The following FHIT variants were observed in gnomAD, a reference collection of about 807,000 sequenced individuals.
FHIT encodes bis(5'-adenosyl)-triphosphatase.
Under a neutral mutation model 17.9 loss-of-function variants are expected in FHIT, and 19 were observed. The observed-to-expected ratio is 1.06, with a 90% CI of 0.74 to 1.56. The LOEUF is 1.56. Ranked by LOEUF, FHIT falls within the 40% of genes most tolerant of loss-of-function variation. FHIT has a pLI of 0.00. For synonymous variants in FHIT, 81 were observed against 69.7 expected (o/e 1.16, Z -0.81); for missense variants, 248 against 189.2 (o/e 1.31, Z -1.82).
At position 60,281,034 on chromosome 3, in the gene FHIT, A is replaced by ATTTTTCTTT. The variant is rs1316411161; in HGVS notation, c.103+255825_103+255826insAAAGAAAAA. Among the ~76,000 whole-genome samples the ATTTTTCTTT allele has an allele frequency of 1.1e-3, 160 of 151,548 alleles. 8 individuals carry two copies. Among genetic ancestry groups the ATTTTTCTTT allele is most frequent in the Non-Finnish European group, 1.4e-3 (92 of 67,728 alleles). ...TTTATCCTGAAAAAAACAGGATAAA[A>ATTTTTCTTT]TATTTCTTTCCAATATGCCAGAAAA... On this transcript the variant is annotated intron_variant, in intron 5 of 9. Transcript: ENST00000492590.
At chr3:59,755,158 C>T (rs1165169436) in intron 8 of FHIT, among the ~76,000 whole-genome samples, 2 of 112,736 alleles carry the variant, frequency 1.8e-5, no homozygotes, top group African/African-American at 7.5e-5. Context: ...AGTACTACTG[C>T]TGTCCTTTGC....
rs556075836 is a variant in FHIT at position 61,048,892 on chromosome 3, G to A, written c.-163-6793C>T. On this transcript the variant is annotated intron_variant, in intron 2 of 9. Coordinates refer to ENST00000492590, the MANE Select transcript of FHIT (RefSeq NM_002012.4). ...TCACAAGGACAGAAAACCAAAAACC[G>A]CATGTTCTCACTCATAGGTAGGAAT... Among the ~76,000 whole-genome samples the A allele has an allele frequency of 1.0e-3, 157 of 151,992 alleles. 1 individual carries two copies. The highest frequency in any genetic ancestry group is 1.1e-3 in the Non-Finnish European group (78 of 67,998).
chr3:59,884,723 T>G (rs1329425224), intron 8 of FHIT, among the ~76,000 whole-genome samples: 1 of 152,144 alleles, frequency 6.6e-6, no homozygotes, highest in Non-Finnish European at 1.5e-5. Context: ...AAAATCCACT[T>G]TTAGCAGGCA....
chr3:60,608,358 G>C (rs1430098254), intron 4 of FHIT, among the ~76,000 whole-genome samples: 3 of 152,084 alleles, frequency 2.0e-5, no homozygotes, highest in African/African-American at 7.2e-5. Flanking sequence ...GGCTGTTCTG[G>C]ACTGTTCTCC....
intron 8 of FHIT, among the ~76,000 whole-genome samples, chr3:59,874,522 G>T (rs1703065021): frequency 6.6e-6 from 1 of 152,122 alleles, no homozygotes; most frequent in African/African-American, 2.4e-5. Context: ...TGCTGATGCT[G>T]CTGGTCCAGG....
intron 3 of FHIT, among the ~76,000 whole-genome samples, chr3:60,904,937 T>TA (rs34683848): frequency 0.37 from 49,039 of 132,238 alleles, 10,026 homozygotes; most frequent in East Asian, 0.82. Context: ...AGACTTGGTC[T>TA]AAAAAAAAAA....
intron 7 of FHIT, among the ~76,000 whole-genome samples, chr3:59,984,145 T>C (rs753506417): frequency 5.9e-5 from 9 of 152,094 alleles, no homozygotes; most frequent in Admixed American, 1.3e-4. Flanking sequence ...GTTTTCCCAG[T>C]AGTAGCAGGA....
At chr3:59,915,756 A>T (rs1176709630) in intron 8 of FHIT, among the ~76,000 whole-genome samples, 1 of 152,108 alleles carries the variant, frequency 6.6e-6, no homozygotes, top group Non-Finnish European at 1.5e-5. Context: ...CCTGGACAAC[A>T]TTGCGAGACC....
chr3:60,601,702 G>A (rs1229024532), intron 4 of FHIT, among the ~76,000 whole-genome samples: 1 of 152,112 alleles, frequency 6.6e-6, no homozygotes, highest in Non-Finnish European at 1.5e-5. Context: ...GAATGTAAAA[G>A]ACAGATGAAG....
chr3:60,132,364 G>T (rs1350439891), intron 5 of FHIT, among the ~76,000 whole-genome samples: 1 of 152,134 alleles, frequency 6.6e-6, no homozygotes, highest in African/African-American at 2.4e-5. Flanking sequence ...ATGGTCACTA[G>T]TTATGTATTT....
At chr3:61,221,304 C>T (rs1481366551) in intron 1 of FHIT, among the ~76,000 whole-genome samples, 6 of 152,216 alleles carry the variant, frequency 3.9e-5, no homozygotes, top group Non-Finnish European at 7.3e-5. Flanking sequence ...AGTCAAATAG[C>T]TCTGTTCCCA....
intron 7 of FHIT, among the ~76,000 whole-genome samples, chr3:59,957,991 G>A (rs1400029443): frequency 6.6e-6 from 1 of 152,216 alleles, no homozygotes; most frequent in Non-Finnish European, 1.5e-5. Context: ...GAATGTGTGT[G>A]TAACTGTGTG....
intron 4 of FHIT, among the ~76,000 whole-genome samples, chr3:60,687,368 T>G (rs2040882272): frequency 6.6e-6 from 1 of 152,144 alleles, no homozygotes; most frequent in South Asian, 2.1e-4. Flanking sequence ...GTTCTTACTC[T>G]CCTAACAGTT....
intron 5 of FHIT, among the ~76,000 whole-genome samples, chr3:60,066,518 T>C (rs1301380269): frequency 1.3e-5 from 2 of 151,892 alleles, no homozygotes; most frequent in Non-Finnish European, 2.9e-5. Flanking sequence ...GTTCTGGCCC[T>C]AATGACCTCC....
rs185856601 is a variant in FHIT at position 60,114,093 on chromosome 3, A to G, written c.104-99941T>C. Among the ~76,000 whole-genome samples the G allele has an allele frequency of 5.7e-3, 744 of 130,860 alleles. 10 individuals carry two copies. Among genetic ancestry groups the G allele is most frequent in the Non-Finnish European group, 9.8e-3 (606 of 61,634 alleles). 85.8% of individuals were successfully genotyped at this position (130,860 alleles called of 152,430 possible). On this transcript the variant is annotated intron_variant, in intron 5 of 9. Transcript: ENST00000492590. Reference sequence around the variant, plus strand: ...TATATAATGTTATATGTATCTTACCACAATTAAGAAACAAAAATAAAAATA... The same window carrying G: ...TATATAATGTTATATGTATCTTACCGCAATTAAGAAACAAAAATAAAAATA...
At chr3:59,953,395 G>A (rs1707222564) in intron 7 of FHIT, among the ~76,000 whole-genome samples, 2 of 151,978 alleles carry the variant, frequency 1.3e-5, no homozygotes, top group Non-Finnish European at 2.9e-5. Flanking sequence ...ATTTCTTGAG[G>A]TGTAGGGCTC....
intron 5 of FHIT, among the ~76,000 whole-genome samples, chr3:60,499,485 G>A (rs9871322): frequency 0.28 from 42,265 of 151,876 alleles, 6,127 homozygotes; most frequent in East Asian, 0.48. Flanking sequence ...TCCTCCTCCC[G>A]GGTTCACGCG....
intron 5 of FHIT, among the ~76,000 whole-genome samples, chr3:60,293,713 G>A (rs1708086796): frequency 6.6e-6 from 1 of 152,038 alleles, no homozygotes; most frequent in South Asian, 2.1e-4. Context: ...GAGGATTTAG[G>A]GAAAATCAAC....
chr3:60,258,467 C>T (rs754926081), intron 5 of FHIT, among the ~76,000 whole-genome samples: 2 of 152,118 alleles, frequency 1.3e-5, no homozygotes, highest in Non-Finnish European at 2.9e-5. Flanking sequence ...CTTAACTGTC[C>T]AGTGCATTAT....
Sources: gnomAD v4.1 joint callset for allele counts (sites outside exome capture counted in the v4.1 genomes callset) on GRCh38, gnomAD v4.1.1 for gene constraint, MANE v1.5 for transcripts, NCBI Gene and HGNC (gene_info 2026-07-23, HGNC 2026-07-21) for gene names.